The following TEKT3 variants were observed in gnomAD, a reference collection of about 807,000 sequenced individuals.
TEKT3 encodes the protein tektin-3.
In TEKT3, 49 loss-of-function variants were observed where a neutral mutation model predicts 49.8. That is an observed-to-expected ratio of 0.98 (90% confidence interval 0.78 to 1.25). The LOEUF (loss-of-function observed/expected upper bound fraction) is 1.25. Ranked by LOEUF, TEKT3 falls within the 50% of genes most tolerant of loss-of-function variation. TEKT3 has a pLI of 0.00. For synonymous variants in TEKT3, 225 were observed against 237.2 expected (o/e 0.95, Z 0.47); for missense variants, 595 against 629.5 (o/e 0.95, Z 0.59).
intron 4 of TEKT3, among the ~76,000 whole-genome samples, chr17:15,325,013 T>G (rs1356890327): frequency 6.6e-6 from 1 of 152,224 alleles, no homozygotes; most frequent in Admixed American, 6.5e-5. Context: ...CAAATACCAT[T>G]TGTTGAAGAC....
intron 2 of TEKT3, among the ~76,000 whole-genome samples, chr17:15,334,255 T>C (rs1911897602): frequency 6.6e-6 from 1 of 152,036 alleles, no homozygotes; most frequent in African/African-American, 2.4e-5. Context: ...CAGGTTTCAC[T>C]ATGTTGCCCA....
At position 15,337,043 on chromosome 17, in the gene TEKT3, C is replaced by A. The variant is rs1912006469; in HGVS notation, c.-30+2985G>T. The stretch of plus-strand genomic sequence containing the variant: ...ATAAAACAATACTAAATACTTCTTA[C>A]TAAATTATTTTTTGTTTCAGAAAAA... On this transcript the variant is annotated intron_variant, in intron 2 of 8. Transcript: ENST00000395930. Among the ~76,000 whole-genome samples, 4 of 151,184 alleles carry A rather than the reference C, an allele frequency of 2.6e-5. No homozygotes were observed. The South Asian group carries it at 8.5e-4, about 32-fold the overall frequency.
chr17:15,309,414 T>C (rs1910676897), intron 7 of TEKT3, among the ~76,000 whole-genome samples: 1 of 152,144 alleles, frequency 6.6e-6, no homozygotes, highest in African/African-American at 2.4e-5. Context: ...ATTCGTTTTT[T>C]CTTAAAGAGG....
At chr17:15,306,087 A>G (rs1289399066) in intron 8 of TEKT3, among the ~76,000 whole-genome samples, 1 of 128,568 alleles carries the variant, frequency 7.8e-6, no homozygotes, top group East Asian at 2.6e-4. Flanking sequence ...TTATTTATAT[A>G]TATGTGTGTG....
At chr17:15,318,973 C>A in intron 5 of TEKT3, 104 bp downstream of exon 5, 1 of 851,096 alleles carries the variant, frequency 1.2e-6, no homozygotes, top group Non-Finnish European at 1.8e-6. Flanking sequence ...GTGTATATGC[C>A]TGTGTGTGTG....
At chr17:15,307,390 G>A (rs529923076) in intron 8 of TEKT3, among the ~76,000 whole-genome samples, 5 of 152,334 alleles carry the variant, frequency 3.3e-5, no homozygotes, top group African/African-American at 1.2e-4. Context: ...TGTGGCCTGG[G>A]CCAAGCCACT....
Position 15,331,193 on chromosome 17 carries a change from T to C in TEKT3, c.393A>G (p.Lys131=). 12 of 1,614,228 alleles carry C rather than the reference T, an allele frequency of 7.4e-6. No homozygotes were observed. The highest frequency in any genetic ancestry group is 1.6e-4 in the Middle Eastern group (1 of 6,062). ...RVDTSRLIQD[K]YQQTRKTQAD... ...CCTGAGTTTTTCTTGTTTGTTGATATTTGTCTTGAATCAGGCGAGATGTAT... is the reference window on the plus strand; with the variant it reads ...CCTGAGTTTTTCTTGTTTGTTGATACTTGTCTTGAATCAGGCGAGATGTAT... Residue 131 remains lysine (K), a synonymous_variant, in exon 3 of 9, where the codon AAA becomes AAG. Transcript: ENST00000395930.
Position 15,331,214 on chromosome 17 carries a change from T to G in TEKT3, c.372A>C (p.Thr124=), listed in dbSNP as rs560459345. The change falls in exon 3 of 9, where the codon ACA becomes ACC. Residue 124 remains threonine (T), a synonymous_variant. Coordinates refer to ENST00000395930, the MANE Select transcript of TEKT3 (RefSeq NM_031898.3). ...RHNSEKLRVD[T]SRLIQDKYQQ... ...GATATTTGTCTTGAATCAGGCGAGA[T>G]GTATCCACTCTTAGTTTCTCCGAAT... 1 of 1,614,236 alleles carries G rather than the reference T, an allele frequency of 6.2e-7. No individual in the cohort carries two copies. The highest frequency in any genetic ancestry group is 1.1e-5 in the South Asian group (1 of 91,086).
rs139116087 is a variant in TEKT3 at position 15,305,817 on chromosome 17, C to T, written c.1257-1665G>A. ...AAAAAAAAAAAATCGAGATATAGAA[C>T]GTAGGCAGTTAGAATACTTGTTTTC... On this transcript the variant is annotated intron_variant, in intron 8 of 8. Transcript: ENST00000395930. 4.4e-4 allele frequency among the ~76,000 whole-genome samples: 67 copies of T among 150,800 alleles called. 1 individual carries two copies. The highest frequency in any genetic ancestry group is 3.5e-3 in the Middle Eastern group (1 of 288).
In TEKT3 at chr17:15,308,771, C is replaced by T. The variant is rs1370608956; in HGVS notation, c.1149G>A (p.Lys383=). The stretch of plus-strand genomic sequence containing the variant: ...AGGCAGTCTTGTCCTTGATGGCCTT[C>T]TTGATGGATTCTATGGTCATTTCAG... ...FQTEMTIESI[K]KAIKDKTAFL... Residue 383 remains lysine (K), a synonymous_variant, in exon 8 of 9, where the codon AAG becomes AAA. Transcript: ENST00000395930. 1.2e-6 allele frequency: 2 copies of T among 1,614,124 alleles called. No individual in the cohort carries two copies. The highest frequency in any genetic ancestry group is 1.7e-6 in the Non-Finnish European group (2 of 1,180,026).
chr17:15,312,487 A>G lies in TEKT3; in HGVS notation c.879-6T>C. 1 of 1,613,438 alleles carries G rather than the reference A, an allele frequency of 6.2e-7. No homozygotes were observed. Among genetic ancestry groups the G allele is most frequent in the Admixed American group, 1.7e-5 (1 of 60,014 alleles). ...AGGACTCAGGCACTGAGACACTGAA[A>G]AAGAGAAGCAGAAGCAGACAACAGT... is the stretch of plus-strand genomic sequence containing the variant. On this transcript the variant is annotated splice_polypyrimidine_tract_variant and splice_region_variant and intron_variant, in intron 6 of 8. Coordinates refer to ENST00000395930, the MANE Select transcript of TEKT3 (RefSeq NM_031898.3).
chr17:15,311,881 C>G (rs572412440), intron 7 of TEKT3, among the ~76,000 whole-genome samples: 28 of 152,308 alleles, frequency 1.8e-4, no homozygotes, highest in African/African-American at 6.7e-4. Flanking sequence ...GTTTTGTATT[C>G]CAGAAAAGGG....
chr17:15,326,898 A>C (rs1911516554), intron 4 of TEKT3, among the ~76,000 whole-genome samples: 1 of 152,172 alleles, frequency 6.6e-6, no homozygotes, highest in East Asian at 1.9e-4. Flanking sequence ...GGTGGAAGAG[A>C]GATTAGCGGG....
chr17:15,307,135 C>T (rs918416230), intron 8 of TEKT3: 2 of 152,224 alleles, frequency 1.3e-5, no homozygotes, highest in Non-Finnish European at 2.9e-5. Context: ...GTGCTATACA[C>T]GTAAGGTGTT....
intron 2 of TEKT3, among the ~76,000 whole-genome samples, chr17:15,337,282 A>G (rs1912017020): frequency 1.3e-5 from 2 of 152,118 alleles, no homozygotes; most frequent in Non-Finnish European, 2.9e-5. Context: ...GAGCTGGAGC[A>G]ATATCTAAGA....
intron 3 of TEKT3, among the ~76,000 whole-genome samples, chr17:15,329,354 C>T (rs1197543979): frequency 2.0e-5 from 3 of 152,076 alleles, no homozygotes; most frequent in Admixed American, 2.0e-4. Flanking sequence ...AACATCTGGA[C>T]AAAAACTGCA....
intron 2 of TEKT3, among the ~76,000 whole-genome samples, chr17:15,337,382 A>T (rs1038437478): frequency 6.6e-6 from 1 of 152,146 alleles, no homozygotes; most frequent in Non-Finnish European, 1.5e-5. Context: ...GAGAACCAAA[A>T]ATAAGACAAA....
At chr17:15,328,373 T>C (rs1269803529) in intron 3 of TEKT3, among the ~76,000 whole-genome samples, 1 of 152,208 alleles carries the variant, frequency 6.6e-6, no homozygotes, top group Non-Finnish European at 1.5e-5. Flanking sequence ...AGGGCATTAG[T>C]TGGCATTACT....
chr17:15,314,834 C>T (rs531083268), intron 5 of TEKT3, among the ~76,000 whole-genome samples: 103 of 152,208 alleles, frequency 6.8e-4, no homozygotes, highest in African/African-American at 2.4e-3. Flanking sequence ...CAGCAGAGAT[C>T]GGGAACTAAT....
Sources: gnomAD v4.1 joint callset for allele counts (sites outside exome capture counted in the v4.1 genomes callset) on GRCh38, gnomAD v4.1.1 for gene constraint, MANE v1.5 for transcripts, NCBI Gene and HGNC (gene_info 2026-07-23, HGNC 2026-07-21) for gene names.